NAV2: variants seen among roughly 807,000 people sequenced by gnomAD.
The protein encoded by NAV2 is helicase, APC down-regulated 1.
In NAV2, 54 loss-of-function variants were observed where a neutral mutation model predicts 223.2. The observed-to-expected ratio is 0.24, with a 90% CI of 0.19 to 0.30. NAV2 has a LOEUF of 0.30. Among genes scored for constraint, NAV2 ranks in the 10% least tolerant of loss-of-function variants. The pLI, the probability that NAV2 is intolerant of heterozygous loss-of-function variation, is 1.00. For synonymous variants in NAV2, 1,279 were observed against 1,239.3 expected (o/e 1.03, Z -0.67); for missense variants, 2,806 against 3,147.5 (o/e 0.89, Z 2.60).
At chr11:19,405,008 G>A (rs905820241) in intron 1 of NAV2, among the ~76,000 whole-genome samples, 2 of 152,158 alleles carry the variant, frequency 1.3e-5, no homozygotes, top group African/African-American at 4.8e-5. Flanking sequence ...TACAAGGACT[G>A]TGGACCAAGG....
At chr11:19,453,785 ATGACTC>A (rs990955842) in intron 1 of NAV2, among the ~76,000 whole-genome samples, 1 of 152,158 alleles carries the variant, frequency 6.6e-6, no homozygotes, top group African/African-American at 2.4e-5. Flanking sequence ...ATCCTTTTAA[ATGACTC>A]TGTTAGGTTT....
chr11:19,853,268 A>T (rs2061242261), intron 3 of NAV2, among the ~76,000 whole-genome samples: 1 of 152,230 alleles, frequency 6.6e-6, no homozygotes, highest in Non-Finnish European at 1.5e-5. Context: ...GAGTTAAGTA[A>T]CAAAGCCTCT....
intron 10 of NAV2, among the ~76,000 whole-genome samples, chr11:19,959,746 C>G (rs1296829306): frequency 6.6e-6 from 1 of 152,214 alleles, no homozygotes; most frequent in Non-Finnish European, 1.5e-5. Flanking sequence ...TCTCCTTAGA[C>G]ATAAGACCAT....
chr11:19,683,686 C>T (rs12295525), intron 1 of NAV2, among the ~76,000 whole-genome samples: 16,783 of 152,206 alleles, frequency 0.11, 1,114 homozygotes, highest in African/African-American at 0.17. Context: ...GGCTTCCAGT[C>T]GGGTCTGTGT....
Position 20,074,760 on chromosome 11 carries a change from C to CCTTT in NAV2, c.4984-2792_4984-2791insCTTT, listed in dbSNP as rs56895607. ...ATTGGAGACTAGGATTGCAACTCTG[C>CCTTT]TTTTTTTTTTTTTTTTGCTTTCCAT... On this transcript the variant is annotated intron_variant, in intron 22 of 37. Transcript: ENST00000349880. 8.3e-4 allele frequency among the ~76,000 whole-genome samples: 91 copies of CCTTT among 110,220 alleles called. 2 individuals are homozygous for CCTTT. Among genetic ancestry groups the CCTTT allele is most frequent in the African/African-American group, 1.1e-3 (28 of 26,002 alleles). 72.3% of individuals were successfully genotyped at this position (110,220 alleles called of 152,430 possible). A position where few individuals can be genotyped will look rare whatever the true frequency, so the allele number is the denominator to read the frequency against.
chr11:19,834,392 G>A (rs1376153216), intron 2 of NAV2, among the ~76,000 whole-genome samples: 1 of 152,174 alleles, frequency 6.6e-6, no homozygotes, highest in Non-Finnish European at 1.5e-5. Context: ...TTGCTCTGCT[G>A]TATTATATTA....
At position 20,054,106 on chromosome 11, in the gene NAV2, C is replaced by T. The variant is rs758277222; in HGVS notation, c.4508C>T (p.Thr1503Met). The T allele has an allele frequency of 9.9e-6, 16 of 1,612,524 alleles. No individual in the cohort carries two copies. Among genetic ancestry groups the T allele is most frequent in the South Asian group, 5.5e-5 (5 of 90,770 alleles). ...LRYTPTSQLR[T>M]QEDAKEWLRS... Reference sequence around the variant, plus strand: ...TATACTCCCACCTCCCAGCTTCGCACGCAAGAAGATGCAAAAGAATGGTTA... The same window carrying T: ...TATACTCCCACCTCCCAGCTTCGCATGCAAGAAGATGCAAAAGAATGGTTA... The change falls in exon 18 of 38, where the codon ACG (threonine) becomes ATG (methionine). Residue 1503 changes from threonine (T) to methionine (M), a missense_variant. By Grantham distance (81) the Thr-to-Met change is moderately conservative. Around this residue, in one of 4 missense-constraint regions of NAV2, gnomAD observed 742 missense variants for 777.9 expected, o/e 0.95. Coordinates refer to ENST00000349880, the MANE Select transcript of NAV2 (RefSeq NM_145117.5).
intron 22 of NAV2, among the ~76,000 whole-genome samples, chr11:20,077,175 T>C (rs1356737866): frequency 6.6e-6 from 1 of 152,106 alleles, no homozygotes; most frequent in Admixed American, 6.5e-5. Flanking sequence ...TATCTCAAAG[T>C]GTATATCAGA....
At chr11:19,993,825 C>T (rs970840998) in intron 11 of NAV2, among the ~76,000 whole-genome samples, 9 of 152,134 alleles carry the variant, frequency 5.9e-5, no homozygotes, top group East Asian at 1.9e-4. Context: ...GTATATGGAC[C>T]ATGTTTTCAT....
chr11:19,412,044 C>T (rs1850167760), intron 1 of NAV2, among the ~76,000 whole-genome samples: 1 of 151,968 alleles, frequency 6.6e-6, no homozygotes, highest in Non-Finnish European at 1.5e-5. Flanking sequence ...TTTTCATATC[C>T]CAGTGGCACT....
chr11:19,893,505 T>A (rs1006657975), intron 6 of NAV2, among the ~76,000 whole-genome samples: 1 of 152,150 alleles, frequency 6.6e-6, no homozygotes, highest in Non-Finnish European at 1.5e-5. Context: ...CCCAGGGACA[T>A]GGGCAGCCCT....
intron 22 of NAV2, among the ~76,000 whole-genome samples, chr11:20,076,610 C>T (rs932145405): frequency 3.3e-5 from 5 of 152,164 alleles, no homozygotes; most frequent in Non-Finnish European, 7.3e-5. Context: ...TACCAGGATT[C>T]TCATTCAATC....
intron 1 of NAV2, among the ~76,000 whole-genome samples, chr11:19,792,846 A>T (rs2057619602): frequency 1.3e-5 from 2 of 151,050 alleles, no homozygotes; most frequent in Non-Finnish European, 2.9e-5. Flanking sequence ...GTTGTGAGGG[A>T]TGGGGGATGG....
chr11:19,825,837 G>T (rs1253379010), intron 1 of NAV2, among the ~76,000 whole-genome samples: 1 of 152,244 alleles, frequency 6.6e-6, no homozygotes, highest in Non-Finnish European at 1.5e-5. Context: ...ATGATGTGGA[G>T]TTATAAGCAA....
At chr11:19,436,431 CT>C (rs1346139257) in intron 1 of NAV2, among the ~76,000 whole-genome samples, 1 of 152,078 alleles carries the variant, frequency 6.6e-6, no homozygotes, top group African/African-American at 2.4e-5. Flanking sequence ...TTCCATTGGT[CT>C]ATGTGTGTTT....
chr11:19,807,208 A>G (rs2058617778), intron 1 of NAV2, among the ~76,000 whole-genome samples: 1 of 152,242 alleles, frequency 6.6e-6, no homozygotes. Context: ...ATAATTTGCA[A>G]AGATAGTTTC....
intron 1 of NAV2, among the ~76,000 whole-genome samples, chr11:19,716,313 A>G (rs1029490081): frequency 6.6e-6 from 1 of 152,276 alleles, no homozygotes; most frequent in Non-Finnish European, 1.5e-5. Context: ...TCTGTCATAT[A>G]CTAGCTAGGT....
At chr11:19,535,999 C>T (rs971418028) in intron 1 of NAV2, among the ~76,000 whole-genome samples, 5 of 152,186 alleles carry the variant, frequency 3.3e-5, no homozygotes, top group Non-Finnish European at 7.4e-5. Flanking sequence ...AATGGGTCAG[C>T]TCATAGGCTT....
intron 9 of NAV2, 91 bp downstream of exon 9, chr11:19,946,600 T>C: frequency 9.6e-7 from 1 of 1,038,758 alleles, no homozygotes; most frequent in Non-Finnish European, 1.4e-6. Context: ...GATTTGGTTA[T>C]AATGGATCAT....
Sources: allele counts gnomAD v4.1 joint callset (sites outside exome capture counted in the v4.1 genomes callset), GRCh38; gene constraint gnomAD v4.1.1; regional missense constraint gnomAD v4.1.1; transcripts MANE v1.5; gene names NCBI Gene and HGNC (gene_info 2026-07-23, HGNC 2026-07-21).